FAF1: variants seen among roughly 807,000 people sequenced by gnomAD.
The protein encoded by FAF1 is FAS-associated factor 1.
Under a neutral mutation model 92.5 loss-of-function variants are expected in FAF1, and 25 were observed. That is an observed-to-expected ratio of 0.27 (90% confidence interval 0.20 to 0.38). The LOEUF (loss-of-function observed/expected upper bound fraction) is 0.38, where lower values mean the gene tolerates loss of function less well. Ranked by LOEUF, FAF1 falls within the 10% of genes least tolerant of loss-of-function variation. FAF1 has a pLI of 1.00. For synonymous variants in FAF1, 234 were observed against 273.2 expected (o/e 0.86, Z 1.42); for missense variants, 636 against 793.3 (o/e 0.80, Z 2.38).
intron 6 of FAF1, among the ~76,000 whole-genome samples, chr1:50,707,706 G>GA (rs1429773027): frequency 6.9e-6 from 1 of 145,838 alleles, no homozygotes; most frequent in African/African-American, 2.5e-5. Context: ...AAAAAAGAAA[G>GA]AAAAAAGAAA....
At chr1:50,531,680 G>C (rs1434715925) in intron 15 of FAF1, among the ~76,000 whole-genome samples, 1 of 152,038 alleles carries the variant, frequency 6.6e-6, no homozygotes, top group Non-Finnish European at 1.5e-5. Context: ...AAATGTCTAA[G>C]AGAGAAAGCT....
chr1:50,527,152 G>A (rs1404628594), intron 15 of FAF1, among the ~76,000 whole-genome samples: 1 of 152,076 alleles, frequency 6.6e-6, no homozygotes, highest in Non-Finnish European at 1.5e-5. Context: ...CACTGTGCCG[G>A]GCCCCTGATG....
At chr1:50,574,996 C>T (rs1352769163) in intron 12 of FAF1, among the ~76,000 whole-genome samples, 3 of 149,788 alleles carry the variant, frequency 2.0e-5, no homozygotes, top group Non-Finnish European at 4.4e-5. Context: ...GCAAGCTCCG[C>T]CTCCTGGGTT....
chr1:50,836,304 G>C (rs1644204853), intron 2 of FAF1, among the ~76,000 whole-genome samples: 3 of 151,108 alleles, frequency 2.0e-5, no homozygotes, highest in Non-Finnish European at 4.4e-5. Context: ...CCAAAGTGCT[G>C]GGTATAATAG....
chr1:50,533,144 C>T (rs553835477), intron 15 of FAF1, among the ~76,000 whole-genome samples: 5 of 152,020 alleles, frequency 3.3e-5, no homozygotes, highest in Non-Finnish European at 7.4e-5. Flanking sequence ...CACGTTGTTG[C>T]CCTGGCTGGA....
At chr1:50,677,021 T>C (rs1361137970) in intron 7 of FAF1, among the ~76,000 whole-genome samples, 1 of 152,124 alleles carries the variant, frequency 6.6e-6, no homozygotes. Flanking sequence ...GAATTGGGTG[T>C]TTTAGTATTG....
intron 4 of FAF1, among the ~76,000 whole-genome samples, chr1:50,753,060 TA>T (rs1449480902): frequency 6.6e-6 from 1 of 152,254 alleles, no homozygotes; most frequent in East Asian, 1.9e-4. Flanking sequence ...ATTTGAAATC[TA>T]AATTTAATAA....
At chr1:50,947,326 A>T (rs1342306311) in intron 1 of FAF1, among the ~76,000 whole-genome samples, 2 of 152,116 alleles carry the variant, frequency 1.3e-5, no homozygotes, top group African/African-American at 4.8e-5. Context: ...GGTGACTCAA[A>T]CCCCACCTGA....
At chr1:50,690,187 C>T (rs1656858678) in intron 7 of FAF1, among the ~76,000 whole-genome samples, 1 of 151,836 alleles carries the variant, frequency 6.6e-6, no homozygotes. Flanking sequence ...TGGGTTTCAG[C>T]GTTAGCCAGG....
rs763691316 is a variant in FAF1, at chr1:50,705,830, G to A, written c.613C>T (p.Arg205Trp). The change falls in exon 7 of 19, where the codon CGG becomes TGG. Residue 205 changes from arginine (R) to tryptophan (W), a missense_variant. Arg to Trp is a moderately radical substitution (Grantham distance 101). Around this residue, in one of 2 missense-constraint regions of FAF1, gnomAD observed 317 missense variants for 342.4 expected, o/e 0.93. Transcript: ENST00000396153. ...MLIITHREVQ[R>W]EYNLNFSGSS... ...CCTGAGAAGTTCAGGTTGTACTCCCGCTGGACTTCTCGGTGGGTGATGATC... is the reference window on the plus strand; with the variant it reads ...CCTGAGAAGTTCAGGTTGTACTCCCACTGGACTTCTCGGTGGGTGATGATC... 6 of 1,612,172 alleles carry A rather than the reference G, an allele frequency of 3.7e-6. No homozygotes were observed. The highest frequency in any genetic ancestry group is 2.7e-5 in the African/African-American group (2 of 74,898).
At chr1:50,542,832 A>G (rs1345755691) in intron 13 of FAF1, among the ~76,000 whole-genome samples, 3 of 152,208 alleles carry the variant, frequency 2.0e-5, no homozygotes, top group African/African-American at 7.2e-5. Context: ...TGCTAAAATT[A>G]CAAATTTGAA....
At chr1:50,460,829 T>C (rs966928214) in intron 18 of FAF1, among the ~76,000 whole-genome samples, 3 of 148,232 alleles carry the variant, frequency 2.0e-5, no homozygotes, top group Non-Finnish European at 4.5e-5. Context: ...TGTGTGTGTG[T>C]GTGTGCAGAG....
intron 1 of FAF1, among the ~76,000 whole-genome samples, chr1:50,890,151 A>G (rs138368422): frequency 0.066 from 10,079 of 152,258 alleles, 408 homozygotes; most frequent in East Asian, 0.094. Context: ...TTGTTGGTGT[A>G]AAGTCTGTTT....
At chr1:50,958,223 T>C (rs1414655048) in intron 1 of FAF1, among the ~76,000 whole-genome samples, 1 of 152,188 alleles carries the variant, frequency 6.6e-6, no homozygotes, top group Non-Finnish European at 1.5e-5. Context: ...AACATCAAAA[T>C]CTTATGGTCA....
intron 12 of FAF1, among the ~76,000 whole-genome samples, chr1:50,572,583 C>T (rs1005594427): frequency 6.6e-6 from 1 of 152,186 alleles, no homozygotes; most frequent in African/African-American, 2.4e-5. Context: ...AAGATAAGTG[C>T]AATGTGAGAA....
intron 2 of FAF1, among the ~76,000 whole-genome samples, chr1:50,807,355 TG>T (rs1243471503): frequency 2.6e-5 from 4 of 152,216 alleles, no homozygotes; most frequent in Non-Finnish European, 5.9e-5. Context: ...AAGGCATGGC[TG>T]GGAAGTCCTC....
At chr1:50,574,368 T>C (rs1267768001) in intron 12 of FAF1, among the ~76,000 whole-genome samples, 2 of 152,186 alleles carry the variant, frequency 1.3e-5, no homozygotes, top group Non-Finnish European at 2.9e-5. Flanking sequence ...GAAGAGGGAC[T>C]GGGTAGGCAA....
intron 8 of FAF1, among the ~76,000 whole-genome samples, chr1:50,626,624 T>C (rs558827605): frequency 3.3e-5 from 5 of 152,252 alleles, no homozygotes; most frequent in African/African-American, 7.2e-5. Context: ...AATCAGACTA[T>C]GCAGTGCCTG....
chr1:50,777,794 T>G (rs1319853366), intron 4 of FAF1, among the ~76,000 whole-genome samples: 5 of 151,542 alleles, frequency 3.3e-5, no homozygotes. Flanking sequence ...TGACTAAAAT[T>G]GAAAAGATTA....
Sources: allele counts gnomAD v4.1 joint callset (sites outside exome capture counted in the v4.1 genomes callset), GRCh38; gene constraint gnomAD v4.1.1; regional missense constraint gnomAD v4.1.1; transcripts MANE v1.5; gene names NCBI Gene and HGNC (gene_info 2026-07-23, HGNC 2026-07-21).